BBS9: variants seen among roughly 807,000 people sequenced by gnomAD.
The protein encoded by BBS9 is Bardet-Biedl syndrome 9.
BBS9 carries 89 observed loss-of-function variants against 117.7 expected under a neutral mutation model. That is an observed-to-expected ratio of 0.76 (90% CI 0.64 to 0.90). The LOEUF is 0.90. Among genes scored for constraint, BBS9 ranks in the 40% least tolerant of loss-of-function variants. The pLI, the probability that BBS9 is intolerant of heterozygous loss-of-function variation, is 0.00. For synonymous variants in BBS9, 379 were observed against 370.9 expected, an observed-to-expected ratio of 1.02 and a Z score of -0.25; for missense variants, 982 against 1,042.2, an observed-to-expected ratio of 0.94 and a Z score of 0.80.
intron 9 of BBS9, among the ~76,000 whole-genome samples, chr7:33,319,540 C>T (rs980354313): frequency 6.6e-5 from 10 of 152,086 alleles, no homozygotes; most frequent in African/African-American, 1.4e-4. Flanking sequence ...CTTTTCACCC[C>T]GTATATGCCA....
chr7:33,613,553 A>G (rs75658499), intron 21 of BBS9, among the ~76,000 whole-genome samples: 306 of 152,094 alleles, frequency 2.0e-3, no homozygotes, highest in African/African-American at 7.1e-3. Flanking sequence ...TATGACTTGT[A>G]TGCATCCCAT....
At chr7:33,460,154 T>C (rs1839243585) in intron 19 of BBS9, among the ~76,000 whole-genome samples, 2 of 152,174 alleles carry the variant, frequency 1.3e-5, no homozygotes, top group Non-Finnish European at 2.9e-5. Flanking sequence ...ATCGATAATT[T>C]GTTCTGAAGT....
intron 19 of BBS9, among the ~76,000 whole-genome samples, chr7:33,461,408 C>G (rs1839450289): frequency 6.6e-6 from 1 of 151,752 alleles, no homozygotes; most frequent in Non-Finnish European, 1.5e-5. Context: ...TTCCTCAATG[C>G]TTTGATTTTT....
chr7:33,596,359 T>TTATC (rs140019958), intron 21 of BBS9, among the ~76,000 whole-genome samples: 49,951 of 144,780 alleles, frequency 0.35, 9,622 homozygotes, highest in Admixed American at 0.46. Context: ...TGATATATAA[T>TTATC]TATCTATCTA....
downstream of BBS9, among the ~76,000 whole-genome samples, chr7:33,608,589 G>A (rs1000517975): frequency 6.6e-6 from 1 of 151,928 alleles, no homozygotes; most frequent in Admixed American, 6.6e-5. Context: ...GGTGTGAGAG[G>A]GTGTCTCATT....
At chr7:33,600,726 A>G (rs1020438103) in intron 21 of BBS9, among the ~76,000 whole-genome samples, 1 of 152,146 alleles carries the variant, frequency 6.6e-6, no homozygotes, top group Non-Finnish European at 1.5e-5. Context: ...CTGAGCCATC[A>G]GTGGAGTCAA....
At chr7:33,184,095 C>CAGAGAGAGAGAGAG (rs1487448727) in intron 5 of BBS9, among the ~76,000 whole-genome samples, 1 of 131,748 alleles carries the variant, frequency 7.6e-6, no homozygotes, top group African/African-American at 2.7e-5. Context: ...GCAGTTTGCA[C>CAGAGAGAGAGAGAG]ACAGAGAGAG....
At chr7:33,337,754 A>G (rs1356280155) in intron 10 of BBS9, among the ~76,000 whole-genome samples, 1 of 152,028 alleles carries the variant, frequency 6.6e-6, no homozygotes, top group East Asian at 1.9e-4. Context: ...AATTTTTGTT[A>G]CTAGCATTTT....
Position 33,572,136 on chromosome 7 carries a change from T to A in BBS9, c.2522-32729T>A, listed in dbSNP as rs189206070. ...TAGTAACTGTCATTCTACTCTCTTA[T>A]TTCCATGAGGTCAATATTTTAGCTT... On this transcript the variant is annotated intron_variant, in intron 21 of 22. Transcript: ENST00000242067. Among the ~76,000 whole-genome samples, 16 of 152,180 alleles carry A rather than the reference T, an allele frequency of 1.1e-4. No homozygotes were observed. In the East Asian group the frequency reaches 2.9e-3, roughly 28 times the overall value.
At chr7:33,268,024 A>G (rs148010447) in intron 7 of BBS9, among the ~76,000 whole-genome samples, 1 of 152,322 alleles carries the variant, frequency 6.6e-6, no homozygotes, top group Non-Finnish European at 1.5e-5. Context: ...AAGTGGGACC[A>G]GGGTAGTGCT....
intron 21 of BBS9, among the ~76,000 whole-genome samples, chr7:33,564,201 C>CT (rs1856524840): frequency 1.3e-5 from 2 of 152,146 alleles, no homozygotes; most frequent in Admixed American, 1.3e-4. Context: ...AATTTATCTG[C>CT]TATAGACCTA....
At chr7:33,157,036 T>C (rs1368926557) in intron 4 of BBS9, among the ~76,000 whole-genome samples, 1 of 152,146 alleles carries the variant, frequency 6.6e-6, no homozygotes, top group African/African-American at 2.4e-5. Context: ...TTGCCTACAG[T>C]TATAGTTACC....
chr7:33,484,216 A>G (rs1412675411), intron 19 of BBS9, among the ~76,000 whole-genome samples: 1 of 152,224 alleles, frequency 6.6e-6, no homozygotes, highest in Non-Finnish European at 1.5e-5. Flanking sequence ...GAGTCAGCTC[A>G]TGAGTAATCA....
chr7:33,130,937 C>T (rs555710967), intron 1 of BBS9, among the ~76,000 whole-genome samples: 1 of 152,076 alleles, frequency 6.6e-6, no homozygotes, highest in African/African-American at 2.4e-5. Flanking sequence ...AATCCAACAG[C>T]AATAGTATAT....
intron 21 of BBS9, among the ~76,000 whole-genome samples, chr7:33,543,816 T>G (rs1465655540): frequency 1.3e-5 from 2 of 152,190 alleles, no homozygotes; most frequent in African/African-American, 4.8e-5. Context: ...AATTCTCTTC[T>G]TCCTCGGGTA....
intron 4 of BBS9, among the ~76,000 whole-genome samples, chr7:33,168,883 A>T (rs1380755447): frequency 6.6e-6 from 1 of 152,070 alleles, no homozygotes; most frequent in African/African-American, 2.4e-5. Flanking sequence ...ATATGTATAC[A>T]TGTGCCATGC....
intron 18 of BBS9, among the ~76,000 whole-genome samples, chr7:33,386,069 A>G (rs1283722480): frequency 6.6e-6 from 1 of 152,190 alleles, no homozygotes; most frequent in Non-Finnish European, 1.5e-5. Context: ...GACATGGCAC[A>G]TGTATACATA....
Position 33,147,036 on chromosome 7 carries a change from C to T in BBS9, c.112+672C>T, listed in dbSNP as rs545455205. Among the ~76,000 whole-genome samples, 3 of 152,122 alleles carry T rather than the reference C, an allele frequency of 2.0e-5. 1 individual carries two copies. In the South Asian group the frequency reaches 6.2e-4, roughly 32 times the overall value. ...TTACAAGAAAAATAAATTTATTGGA[C>T]CTGGAAACCATTCATACCATAATGA... On this transcript the variant is annotated intron_variant, in intron 2 of 22. Transcript: ENST00000242067.
At position 33,604,868 on chromosome 7, in the gene BBS9, G is replaced by T. The variant is rs1249321517; in HGVS notation, c.2525G>T (p.Gly842Val). 1.2e-6 allele frequency: 2 copies of T among 1,606,256 alleles called. No homozygotes were observed. Among genetic ancestry groups the T allele is most frequent in the Admixed American group, 1.7e-5 (1 of 59,934 alleles). ...AAPQTMVMPG[G>V]CTTIPESDLE... ...ATTGTTTGTATTTTTCAACTAGGTG[G>T]TTGTACTACAATCCCAGAGTCAGAC... Residue 842 changes from glycine to valine, a missense_variant, in exon 22 of 23, where the codon GGT becomes GTT. By Grantham distance (109) the Gly-to-Val change is moderately radical. Coordinates refer to ENST00000242067, the MANE Select transcript of BBS9 (RefSeq NM_198428.3).
Sources: gnomAD v4.1 joint callset for allele counts (sites outside exome capture counted in the v4.1 genomes callset) on GRCh38, gnomAD v4.1.1 for gene constraint, MANE v1.5 for transcripts, NCBI Gene and HGNC (gene_info 2026-07-23, HGNC 2026-07-21) for gene names.